Variants in RBFOX1 observed in about 807,000 individuals in gnomAD.
RBFOX1 encodes RNA binding fox-1 homolog 1, also known as RNA binding protein fox-1 homolog 1.
Under a neutral mutation model 57.7 loss-of-function variants are expected in RBFOX1, and 8 were observed. The observed-to-expected ratio is 0.14, with a 90% confidence interval of 0.08 to 0.25. RBFOX1 has a LOEUF of 0.25. RBFOX1 is among the 10% of genes least tolerant of loss of function. RBFOX1 has a pLI of 1.00. For missense variants in RBFOX1, 611 were observed against 548.5 expected (o/e 1.11, Z -1.14); for synonymous variants, 326 against 222.4 (o/e 1.47, Z -4.15).
At chr16:5,920,453 G>A (rs182549451) in intron 4 of RBFOX1, among the ~76,000 whole-genome samples, 2 of 152,220 alleles carry the variant, frequency 1.3e-5, no homozygotes, top group East Asian at 1.9e-4. Context: ...TTTATTTCTC[G>A]TGGGTGTATA....
At chr16:5,774,062 C>A (rs1300138326) in intron 3 of RBFOX1, among the ~76,000 whole-genome samples, 1 of 152,174 alleles carries the variant, frequency 6.6e-6, no homozygotes, top group East Asian at 1.9e-4. Flanking sequence ...TACATTCCCA[C>A]CAACAATGTG....
At chr16:6,946,423 T>G (rs139119234) in intron 3 of RBFOX1, among the ~76,000 whole-genome samples, 1 of 152,218 alleles carries the variant, frequency 6.6e-6, no homozygotes, top group African/African-American at 2.4e-5. Flanking sequence ...GCCTGAGTTC[T>G]GTGATGAAAA....
chr16:6,417,335 C>T (rs1270153873), intron 2 of RBFOX1, among the ~76,000 whole-genome samples: 1 of 150,650 alleles, frequency 6.6e-6, no homozygotes, highest in Non-Finnish European at 1.5e-5. Flanking sequence ...TTTCCCTTTC[C>T]ATCGGCCCTC....
At chr16:6,445,468 T>C (rs192001390) in intron 2 of RBFOX1, among the ~76,000 whole-genome samples, 1 of 152,064 alleles carries the variant, frequency 6.6e-6, no homozygotes, top group African/African-American at 2.4e-5. Flanking sequence ...AACTCATGAT[T>C]ATAGTCAGTT....
chr16:7,258,624 T>A (rs2094793471), intron 4 of RBFOX1, among the ~76,000 whole-genome samples: 1 of 152,214 alleles, frequency 6.6e-6, no homozygotes, highest in Non-Finnish European at 1.5e-5. Flanking sequence ...ATAAGCAAAA[T>A]AATATCCATC....
chr16:6,859,181 A>G (rs1486765865), intron 3 of RBFOX1, among the ~76,000 whole-genome samples: 1 of 83,628 alleles, frequency 1.2e-5, no homozygotes, highest in Non-Finnish European at 2.4e-5. Flanking sequence ...ATATGTATAT[A>G]TATGTATATA....
At chr16:7,005,505 C>T (rs546373378) in intron 3 of RBFOX1, among the ~76,000 whole-genome samples, 36 of 152,182 alleles carry the variant, frequency 2.4e-4, no homozygotes, top group Admixed American at 6.5e-4. Flanking sequence ...GGCAGGTGAA[C>T]GAGAAAATTG....
chr16:5,451,344 A>C (rs2068420862), intron 1 of RBFOX1, among the ~76,000 whole-genome samples: 1 of 152,238 alleles, frequency 6.6e-6, no homozygotes, highest in Non-Finnish European at 1.5e-5. Context: ...CAACAGGGAT[A>C]ATCTCCACTG....
intron 2 of RBFOX1, among the ~76,000 whole-genome samples, chr16:6,641,927 C>T (rs993199291): frequency 3.9e-5 from 6 of 152,190 alleles, no homozygotes; most frequent in Admixed American, 1.3e-4. Flanking sequence ...TTCTTCCAGC[C>T]TCTTCTCTTT....
intron 3 of RBFOX1, among the ~76,000 whole-genome samples, chr16:5,767,776 C>T (rs985899012): frequency 1.3e-5 from 2 of 152,132 alleles, no homozygotes; most frequent in Non-Finnish European, 2.9e-5. Context: ...GTTGCCTTTG[C>T]TGGGCCTAAT....
intron 4 of RBFOX1, among the ~76,000 whole-genome samples, chr16:7,345,340 C>G (rs1483110394): frequency 6.6e-6 from 1 of 152,152 alleles, no homozygotes; most frequent in African/African-American, 2.4e-5. Context: ...GAGGTTTTGA[C>G]AGAACATGTG....
chr16:5,884,667 A>G lies in RBFOX1; in HGVS notation c.351+17332A>G, dbSNP rs868268878. On this transcript the variant is annotated intron_variant, in intron 4 of 19. Coordinates refer to the RBFOX1 transcript ENST00000641259. ...CTCATTCCATGTTGGAGTCGAATAA[A>G]TCAGATTCTGAGGCAAGTTTCTTAA... Among the ~76,000 whole-genome samples the G allele has an allele frequency of 1.9e-4, 29 of 152,152 alleles. 1 individual carries two copies. The highest frequency in any genetic ancestry group is 6.5e-4 in the African/African-American group (27 of 41,504).
intron 4 of RBFOX1, among the ~76,000 whole-genome samples, chr16:6,002,901 C>T (rs562412340): frequency 6.6e-6 from 1 of 152,314 alleles, no homozygotes; most frequent in South Asian, 2.1e-4. Flanking sequence ...TCTACACATA[C>T]TTCCATCCTG....
chr16:6,885,722 G>A (rs1296186603), intron 3 of RBFOX1, among the ~76,000 whole-genome samples: 1 of 151,974 alleles, frequency 6.6e-6, no homozygotes, highest in Non-Finnish European at 1.5e-5. Context: ...AGTAGAGACT[G>A]GGTTTCACCA....
At chr16:5,451,729 G>A (rs8058497) in intron 1 of RBFOX1, among the ~76,000 whole-genome samples, 2 of 152,064 alleles carry the variant, frequency 1.3e-5, no homozygotes, top group East Asian at 1.9e-4. Context: ...TATCCTGTCC[G>A]GGTTCCACAT....
At position 6,849,419 on chromosome 16, in the gene RBFOX1, A is replaced by T. The variant is rs149987241; in HGVS notation, c.-16+194769A>T. On this transcript the variant is annotated intron_variant, in intron 3 of 15. Transcript: ENST00000550418. ...TGTGGTGGCTCACACCTGTAATACTAACACTTGGGAGGCTGAGGCTGGTAG... is the reference window on the plus strand; with the variant it reads ...TGTGGTGGCTCACACCTGTAATACTTACACTTGGGAGGCTGAGGCTGGTAG... 6.5e-3 allele frequency among the ~76,000 whole-genome samples: 995 copies of T among 152,296 alleles called. 21 individuals carry two copies. The highest frequency in any genetic ancestry group is 0.023 in the African/African-American group (954 of 41,558).
At chr16:6,598,176 A>G (rs1446174277) in intron 2 of RBFOX1, among the ~76,000 whole-genome samples, 1 of 152,250 alleles carries the variant, frequency 6.6e-6, no homozygotes, top group East Asian at 1.9e-4. Flanking sequence ...TATGCAGAAC[A>G]TGCATTCATA....
At chr16:6,742,297 C>T (rs567935904) in intron 3 of RBFOX1, among the ~76,000 whole-genome samples, 1 of 152,106 alleles carries the variant, frequency 6.6e-6, no homozygotes, top group African/African-American at 2.4e-5. Context: ...TCATTATACA[C>T]ATGTTAAACA....
chr16:7,515,051 G>T (rs1824857629), intron 4 of RBFOX1, among the ~76,000 whole-genome samples: 1 of 152,110 alleles, frequency 6.6e-6, no homozygotes, highest in Non-Finnish European at 1.5e-5. Context: ...CCAGGTAGAA[G>T]GTTGGGGAGG....
Sources: gnomAD v4.1 joint callset for allele counts (sites outside exome capture counted in the v4.1 genomes callset) on GRCh38, gnomAD v4.1.1 for gene constraint, MANE v1.5 for transcripts, NCBI Gene and HGNC (gene_info 2026-07-23, HGNC 2026-07-21) for gene names.